The following CNTNAP2 variants were observed in gnomAD, a reference collection of about 807,000 sequenced individuals.
CNTNAP2 encodes the protein contactin associated protein 2.
A neutral mutation model predicts 155.2 loss-of-function variants in CNTNAP2; 98 were observed. The observed-to-expected ratio is 0.63, with a 90% CI of 0.54 to 0.75. The LOEUF (loss-of-function observed/expected upper bound fraction) is 0.75, where lower values mean the gene tolerates loss of function less well. CNTNAP2 is among the 30% of genes least tolerant of loss of function. The probability of loss-of-function intolerance (pLI) is 0.00; values close to 1 mark genes in which losing one functional copy is unlikely to be tolerated. For missense variants in CNTNAP2, 1,727 were observed against 1,688.1 expected, an observed-to-expected ratio of 1.02 and a Z score of -0.40; for synonymous variants, 651 against 631.2, an observed-to-expected ratio of 1.03 and a Z score of -0.47.
intron 8 of CNTNAP2, among the ~76,000 whole-genome samples, chr7:147,188,733 G>T (rs922802395): frequency 2.0e-5 from 3 of 152,104 alleles, no homozygotes; most frequent in Non-Finnish European, 4.4e-5. Context: ...CTGGATAAGA[G>T]CAAAAGTAAA....
intron 8 of CNTNAP2, among the ~76,000 whole-genome samples, chr7:147,194,703 G>T (rs1030196419): frequency 1.3e-5 from 2 of 152,004 alleles, no homozygotes; most frequent in African/African-American, 4.8e-5. Flanking sequence ...TCATATGTTT[G>T]TTGGCTGCAT....
rs553814529 is a variant in CNTNAP2, at chr7:148,031,539, A to G, written c.2383+53550A>G. Among the ~76,000 whole-genome samples, 43 of 152,360 alleles carry G rather than the reference A, an allele frequency of 2.8e-4. No individual in the cohort carries two copies. The South Asian group carries it at 8.9e-3, about 32-fold the overall frequency. ...TCTTTAGTATTTGGTAGAAACAGAA[A>G]TACTACTTAAGTGCTACTTAATAGA... is the stretch of plus-strand genomic sequence containing the variant. On this transcript the variant is annotated intron_variant, in intron 15 of 23. Coordinates refer to ENST00000361727, the MANE Select transcript of CNTNAP2 (RefSeq NM_014141.6).
At chr7:148,299,347 A>G (rs1345453205) in intron 21 of CNTNAP2, among the ~76,000 whole-genome samples, 1 of 152,200 alleles carries the variant, frequency 6.6e-6, no homozygotes, top group Non-Finnish European at 1.5e-5. Flanking sequence ...TGAAGAAAAG[A>G]AAAGGAAACA....
intron 1 of CNTNAP2, among the ~76,000 whole-genome samples, chr7:146,430,194 A>T (rs1620527): frequency 0.038 from 5,421 of 142,646 alleles, 336 homozygotes; most frequent in African/African-American, 0.13. Context: ...TTTTTGTTTT[A>T]TTTTTTTAAT....
rs1208760088 is a variant in CNTNAP2, at chr7:147,039,644, T to C, written c.403-4263T>C. Among the ~76,000 whole-genome samples, 4 of 152,356 alleles carry C rather than the reference T, an allele frequency of 2.6e-5. No individual in the cohort carries two copies. In the South Asian group the frequency reaches 8.3e-4, roughly 32 times the overall value. ...GTGCCAGAGTGAACATTTGCATGCATGTGTCTTTGTGGTAGAATGATTTAT... is the reference window on the plus strand; with the variant it reads ...GTGCCAGAGTGAACATTTGCATGCACGTGTCTTTGTGGTAGAATGATTTAT... On this transcript the variant is annotated intron_variant, in intron 3 of 23. Transcript: ENST00000361727.
intron 8 of CNTNAP2, among the ~76,000 whole-genome samples, chr7:147,222,812 T>TTTTTTG (rs1491227701): frequency 1.6e-3 from 8 of 4,862 alleles, no homozygotes; most frequent in Admixed American, 0.015. Flanking sequence ...TTTCTCAGGG[T>TTTTTTG]TTTTTTTTTT....
intron 1 of CNTNAP2, among the ~76,000 whole-genome samples, chr7:146,737,988 C>T (rs1801649749): frequency 6.6e-6 from 1 of 152,032 alleles, no homozygotes; most frequent in South Asian, 2.1e-4. Flanking sequence ...CATGGGAGTG[C>T]AGATATGTTT....
At chr7:146,356,924 G>A (rs1258699158) in intron 1 of CNTNAP2, among the ~76,000 whole-genome samples, 1 of 152,022 alleles carries the variant, frequency 6.6e-6, no homozygotes, top group Non-Finnish European at 1.5e-5. Context: ...GCTGCTTATG[G>A]TTACAACTTC....
chr7:147,673,372 A>G (rs1795819667), intron 13 of CNTNAP2, among the ~76,000 whole-genome samples: 1 of 152,182 alleles, frequency 6.6e-6, no homozygotes, highest in African/African-American at 2.4e-5. Context: ...ATTTTATTTC[A>G]TCCTTGCAAC....
chr7:147,912,888 G>A (rs1322387207), intron 14 of CNTNAP2, among the ~76,000 whole-genome samples: 2 of 152,300 alleles, frequency 1.3e-5, no homozygotes, highest in East Asian at 1.9e-4. Flanking sequence ...AAAGGTGTGC[G>A]TCAATCACCT....
intron 14 of CNTNAP2, among the ~76,000 whole-genome samples, chr7:147,940,590 A>G (rs1053471147): frequency 2.0e-5 from 3 of 152,098 alleles, no homozygotes; most frequent in Non-Finnish European, 4.4e-5. Context: ...CTTTGAGTGC[A>G]GTGGCGTGAA....
chr7:147,826,953 C>T lies in CNTNAP2; in HGVS notation c.2099-76612C>T, dbSNP rs191503316. On this transcript the variant is annotated intron_variant, in intron 13 of 23. Transcript: ENST00000361727. ...ATTTTTTTTTTTTTTTTTTTTGAGA[C>T]GGAGTCTTGCTCTGTCACCCAGGCT... Among the ~76,000 whole-genome samples the T allele has an allele frequency of 3.9e-3, 497 of 127,622 alleles. 6 individuals are homozygous for T. The highest frequency in any genetic ancestry group is 0.037 in the East Asian group (169 of 4,554). 83.7% of individuals were successfully genotyped at this position (127,622 alleles called of 152,430 possible).
intron 1 of CNTNAP2, among the ~76,000 whole-genome samples, chr7:146,604,998 G>A (rs554153994): frequency 2.1e-5 from 3 of 141,116 alleles, no homozygotes; most frequent in South Asian, 2.4e-4. Context: ...TGGGTGCAGT[G>A]CACCAGCATG....
intron 8 of CNTNAP2, among the ~76,000 whole-genome samples, chr7:147,169,627 G>C (rs1257240519): frequency 7.1e-6 from 1 of 140,798 alleles, no homozygotes; most frequent in Non-Finnish European, 1.6e-5. Flanking sequence ...AGGAAGGAGG[G>C]AAGGAAGGAA....
chr7:147,901,303 A>G (rs7794222), intron 13 of CNTNAP2, among the ~76,000 whole-genome samples: 49,843 of 152,088 alleles, frequency 0.33, 8,261 homozygotes, highest in East Asian at 0.41. Flanking sequence ...AAATTTAATC[A>G]TGCTAGTTCC....
intron 21 of CNTNAP2, among the ~76,000 whole-genome samples, chr7:148,348,455 C>G (rs1240641108): frequency 6.6e-6 from 1 of 152,190 alleles, no homozygotes; most frequent in African/African-American, 2.4e-5. Context: ...CTGCTGGGTG[C>G]CTTCCAGTCT....
At chr7:146,754,534 GTCTCTCTCTCTCTCTCTCTGTCTCTC>G (rs1276840443) in intron 1 of CNTNAP2, among the ~76,000 whole-genome samples, 1 of 143,342 alleles carries the variant, frequency 7.0e-6, no homozygotes, top group Non-Finnish European at 1.5e-5. Context: ...GGTTGTTAGA[GTCTCTCTCTCTCTCTCTCTGTCTCTC>G]TCTCTCTCTC....
chr7:148,114,604 A>C (rs1804425340), intron 15 of CNTNAP2, among the ~76,000 whole-genome samples: 1 of 152,304 alleles, frequency 6.6e-6, no homozygotes, highest in African/African-American at 2.4e-5. Flanking sequence ...GTTATAATAA[A>C]AAAATCCCAG....
chr7:146,657,060 ATC>A (rs764710323), intron 1 of CNTNAP2, among the ~76,000 whole-genome samples: 4 of 151,856 alleles, frequency 2.6e-5, no homozygotes, highest in Non-Finnish European at 5.9e-5. Flanking sequence ...TCTTTTTGTC[ATC>A]TCTCTCTCTC....
Sources: gnomAD v4.1 joint callset for allele counts (sites outside exome capture counted in the v4.1 genomes callset) on GRCh38, gnomAD v4.1.1 for gene constraint, MANE v1.5 for transcripts, NCBI Gene and HGNC (gene_info 2026-07-23, HGNC 2026-07-21) for gene names.